Variants in TMIE observed in about 807,000 individuals in gnomAD.
TMIE encodes transmembrane inner ear expressed protein.
TMIE carries 14 observed loss-of-function variants against 16.8 expected under a neutral mutation model. The ratio of observed to expected loss-of-function variants is 0.83; its 90% CI spans 0.55 to 1.30. The LOEUF (loss-of-function observed/expected upper bound fraction) is 1.30. TMIE is among the 50% of genes most tolerant of loss of function. TMIE has a pLI of 0.00. For synonymous variants in TMIE, 75 were observed against 87.2 expected (o/e 0.86, Z 0.78); for missense variants, 204 against 205.9 (o/e 0.99, Z 0.06).
At chr3:46,694,267 C>G (rs1336750265), upstream of TMIE, among the ~76,000 whole-genome samples, 1 of 152,196 alleles carries the variant, frequency 6.6e-6, no homozygotes, top group Non-Finnish European at 1.5e-5. Context: ...TCCTGAGTCT[C>G]AACAGGCCTA....
chr3:46,696,098 G>T (rs977068697), intron 1 of TMIE, among the ~76,000 whole-genome samples: 3 of 152,068 alleles, frequency 2.0e-5, no homozygotes, highest in Non-Finnish European at 4.4e-5. Context: ...TCCCACACCC[G>T]CTGCACACAG....
chr3:46,709,330 GC>G, intron 3 of TMIE, 55 bp downstream of exon 3: 3 of 1,612,566 alleles, frequency 1.9e-6, no homozygotes, highest in South Asian at 2.2e-5. Flanking sequence ...CAGTCCTGCT[GC>G]CTGGAGTCAC....
intron 2 of TMIE, among the ~76,000 whole-genome samples, chr3:46,707,830 T>C (rs952298664): frequency 6.6e-6 from 1 of 152,208 alleles, no homozygotes; most frequent in East Asian, 1.9e-4. Context: ...TGAGTGGGCA[T>C]AGTCCCAAGG....
chr3:46,697,879 TTGTGTTGG>T, upstream of TMIE, among the ~76,000 whole-genome samples: 1 of 152,210 alleles, frequency 6.6e-6, no homozygotes, highest in East Asian at 1.9e-4. Context: ...ATGATTGTTG[TTGTGTTGG>T]TGTACGAGCA....
upstream of TMIE, among the ~76,000 whole-genome samples, chr3:46,698,725 T>C (rs1700431287): frequency 6.6e-6 from 1 of 152,258 alleles, no homozygotes; most frequent in African/African-American, 2.4e-5. Flanking sequence ...TTAGGACATA[T>C]AAAGCTATGA....
chr3:46,698,974 C>A (rs1042370951), upstream of TMIE, among the ~76,000 whole-genome samples: 2 of 151,638 alleles, frequency 1.3e-5, no homozygotes, highest in Non-Finnish European at 2.9e-5. Flanking sequence ...AGCCACCACA[C>A]TCAGCCGACT....
chr3:46,705,096 C>G (rs1189719070), intron 1 of TMIE, among the ~76,000 whole-genome samples: 2 of 152,220 alleles, frequency 1.3e-5, no homozygotes, highest in Admixed American at 1.3e-4. Flanking sequence ...CCCTCAGTCC[C>G]CCAGGGCAGG....
intron 1 of TMIE, among the ~76,000 whole-genome samples, chr3:46,703,384 G>C (rs1045534773): frequency 2.6e-5 from 4 of 152,178 alleles, no homozygotes; most frequent in Non-Finnish European, 5.9e-5. Context: ...CTCAGAACCT[G>C]AGAACTTTGC....
At position 46,709,182 on chromosome 3, in the gene TMIE, G is replaced by A. The variant is rs759591209; in HGVS notation, c.268G>A (p.Glu90Lys). Residue 90 changes from glutamate to lysine, a missense_variant, in exon 3 of 4, where the codon GAA becomes AAA. By Grantham distance (56) the Glu-to-Lys change is moderately conservative. Transcript: ENST00000643606. ...TGTGCCACGGACCCGGAAGGAGATC[G>A]AAGCCCGGTACCTGCAGCGAAAGGC... Reference protein sequence around the residue: ...CRVPRTRKEIEARYLQRKAAK... With the variant: ...CRVPRTRKEIKARYLQRKAAK... 59 of 1,614,014 alleles carry A rather than the reference G, an allele frequency of 3.7e-5. No individual in the cohort carries two copies. The highest frequency in any genetic ancestry group is 3.0e-4 in the South Asian group (27 of 91,088).
upstream of TMIE, among the ~76,000 whole-genome samples, chr3:46,694,204 A>C (rs1700341964): frequency 6.6e-6 from 1 of 152,154 alleles, no homozygotes; most frequent in African/African-American, 2.4e-5. Context: ...CTGGGTGTCC[A>C]CGGCCGGCCG....
At chr3:46,708,760 G>A (rs201356060) in intron 2 of TMIE, among the ~76,000 whole-genome samples, 1 of 152,204 alleles carries the variant, frequency 6.6e-6, no homozygotes, top group Non-Finnish European at 1.5e-5. Context: ...GGAGGCCTGG[G>A]TTGGAAGTGC....
Position 46,709,579 on chromosome 3 carries a change from A to G in TMIE, c.362A>G (p.Glu121Gly). The change falls in exon 4 of 4, where the codon GAG (glutamate) becomes GGG (glycine). Residue 121 changes from glutamate to glycine, a missense_variant and splice_region_variant. Glu to Gly is a moderately conservative substitution (Grantham distance 98). Coordinates refer to ENST00000643606, the MANE Select transcript of TMIE (RefSeq NM_147196.3). Reference sequence around the variant, plus strand: ...ATGGTCTCTTCCCCCTGCCCCACAGAGGATAAGAAGAAGAAGAAGAAGAAG... The same window carrying G: ...ATGGTCTCTTCCCCCTGCCCCACAGGGGATAAGAAGAAGAAGAAGAAGAAG... ...PLNELTEVPG[E>G]DKKKKKKKKK... 4 of 1,548,136 alleles carry G rather than the reference A, an allele frequency of 2.6e-6. No homozygotes were observed. The highest frequency in any genetic ancestry group is 1.9e-5 in the Admixed American group (1 of 52,744).
chr3:46,706,913 T>C (rs1475862962), intron 2 of TMIE, among the ~76,000 whole-genome samples: 1 of 152,180 alleles, frequency 6.6e-6, no homozygotes, highest in Non-Finnish European at 1.5e-5. Flanking sequence ...CCCAGAGAGC[T>C]GGGTGGCCCA....
chr3:46,707,104 C>T (rs1195243802), intron 2 of TMIE, among the ~76,000 whole-genome samples: 1 of 152,216 alleles, frequency 6.6e-6, no homozygotes, highest in Non-Finnish European at 1.5e-5. Context: ...ACCAGTCAGG[C>T]ATCTTTGTGG....
At chr3:46,705,010 A>C (rs1158917856) in intron 1 of TMIE, among the ~76,000 whole-genome samples, 1 of 152,028 alleles carries the variant, frequency 6.6e-6, no homozygotes, top group African/African-American at 2.4e-5. Flanking sequence ...TGTCCCTTAG[A>C]TATCCAGGAT....
intron 1 of TMIE, among the ~76,000 whole-genome samples, chr3:46,703,320 G>A (rs918463701): frequency 9.2e-5 from 14 of 152,182 alleles, no homozygotes; most frequent in African/African-American, 3.1e-4. Context: ...AGTAGGCCCA[G>A]CTCCACCCAC....
intron 2 of TMIE, among the ~76,000 whole-genome samples, chr3:46,707,244 G>C (rs989532269): frequency 2.0e-5 from 3 of 152,248 alleles, no homozygotes; most frequent in Non-Finnish European, 4.4e-5. Context: ...GCAGGTCTAC[G>C]GAGCAGCAGG....
upstream of TMIE, among the ~76,000 whole-genome samples, chr3:46,698,041 C>CTTTTG (rs955269711): frequency 5.3e-5 from 8 of 151,920 alleles, no homozygotes; most frequent in East Asian, 1.9e-4. Flanking sequence ...TTTTTTGTTT[C>CTTTTG]TTTTGTTTTG....
intron 1 of TMIE, among the ~76,000 whole-genome samples, chr3:46,696,069 G>T (rs1700409703): frequency 6.6e-6 from 1 of 152,124 alleles, no homozygotes. Context: ...CCACAGATGT[G>T]TATACCCACC....
Sources: gnomAD v4.1 joint callset for allele counts (sites outside exome capture counted in the v4.1 genomes callset) on GRCh38, gnomAD v4.1.1 for gene constraint, MANE v1.5 for transcripts, NCBI Gene and HGNC (gene_info 2026-07-23, HGNC 2026-07-21) for gene names.